Variants in SEMA6D observed in about 807,000 individuals in gnomAD.
SEMA6D encodes the protein semaphorin 6D.
A neutral mutation model predicts 106.6 loss-of-function variants in SEMA6D; 35 were observed. The ratio of observed to expected loss-of-function variants is 0.33; its 90% CI spans 0.25 to 0.44. The LOEUF is 0.44. Among genes scored for constraint, SEMA6D ranks in the 20% least tolerant of loss-of-function variants. The pLI is 1.00. For missense variants in SEMA6D, 1,185 were observed against 1,345.9 expected (o/e 0.88, Z 1.87); for synonymous variants, 499 against 487.7 (o/e 1.02, Z -0.31).
chr15:47,277,609 A>ATTATTATTATTTAT (rs374326382), intron 1 of SEMA6D, among the ~76,000 whole-genome samples: 63 of 128,602 alleles, frequency 4.9e-4, no homozygotes, highest in East Asian at 2.4e-3. Context: ...TATTATTATT[A>ATTATTATTATTTAT]TTATTTATTA....
chr15:47,624,146 C>T (rs2413879), intron 4 of SEMA6D, among the ~76,000 whole-genome samples: 45,774 of 152,076 alleles, frequency 0.3, 7,562 homozygotes, highest in East Asian at 0.45. Context: ...TTGTCTAGAA[C>T]GTTCTTCATG....
chr15:47,590,659 T>TAAG (rs149703649), intron 3 of SEMA6D, among the ~76,000 whole-genome samples: 26,272 of 151,954 alleles, frequency 0.17, 2,624 homozygotes, highest in African/African-American at 0.25. Flanking sequence ...GGCATCCTTG[T>TAAG]AAGAGGAAGG....
intron 1 of SEMA6D, among the ~76,000 whole-genome samples, chr15:47,733,589 A>G (rs1012242066): frequency 1.9e-4 from 29 of 152,040 alleles, no homozygotes; most frequent in African/African-American, 6.5e-4. Context: ...TTCCTTCCCA[A>G]CTGTGCATCC....
At chr15:47,383,266 T>G (rs961648439) in intron 1 of SEMA6D, among the ~76,000 whole-genome samples, 1 of 152,234 alleles carries the variant, frequency 6.6e-6, no homozygotes, top group African/African-American at 2.4e-5. Flanking sequence ...TCAGCTCGTC[T>G]GGGAAGAGTT....
intron 1 of SEMA6D, among the ~76,000 whole-genome samples, chr15:47,247,720 T>G (rs1338278005): frequency 6.6e-6 from 1 of 152,232 alleles, no homozygotes; most frequent in African/African-American, 2.4e-5. Flanking sequence ...ACTTCTAGTC[T>G]TTGTGCATGT....
At chr15:47,393,930 C>T (rs566855416) in intron 1 of SEMA6D, among the ~76,000 whole-genome samples, 10 of 152,268 alleles carry the variant, frequency 6.6e-5, no homozygotes, top group African/African-American at 2.4e-4. Context: ...ATAATTAATG[C>T]TATCTTTTCA....
At chr15:47,689,638 C>A (rs1017823266) in intron 4 of SEMA6D, among the ~76,000 whole-genome samples, 4 of 152,234 alleles carry the variant, frequency 2.6e-5, no homozygotes, top group African/African-American at 9.6e-5. Context: ...GAGCCCCAGA[C>A]AACCTAAAGG....
intron 1 of SEMA6D, among the ~76,000 whole-genome samples, chr15:47,291,084 A>G (rs1483299666): frequency 6.6e-6 from 1 of 152,206 alleles, no homozygotes; most frequent in African/African-American, 2.4e-5. Flanking sequence ...AGAAATATCC[A>G]CAGCATAATA....
rs181045163 is a variant in SEMA6D, at chr15:47,502,664, A to G, written c.-87+32119A>G. Among the ~76,000 whole-genome samples, 542 of 152,352 alleles carry G rather than the reference A, an allele frequency of 3.6e-3. 2 individuals are homozygous for G. The highest frequency in any genetic ancestry group is 4.7e-3 in the Non-Finnish European group (322 of 68,026). ...AGATGGCTCCCTTCTATTCCAATGA[A>G]TGGAATGTCTTTTGTAGCAAATTTT... On this transcript the variant is annotated intron_variant, in intron 3 of 19. Coordinates refer to the SEMA6D transcript ENST00000558014.
At chr15:47,252,521 T>C (rs900091166) in intron 1 of SEMA6D, among the ~76,000 whole-genome samples, 5 of 152,162 alleles carry the variant, frequency 3.3e-5, no homozygotes, top group Non-Finnish European at 7.4e-5. Flanking sequence ...TGTTACTTTG[T>C]ACCCATTAAC....
chr15:47,607,320 C>A (rs143994551), intron 4 of SEMA6D, among the ~76,000 whole-genome samples: 2 of 152,158 alleles, frequency 1.3e-5, no homozygotes, highest in East Asian at 3.9e-4. Flanking sequence ...ATATAACTAA[C>A]AAGCAGCCTT....
intron 3 of SEMA6D, among the ~76,000 whole-genome samples, chr15:47,518,244 GAGAC>G (rs1228293844): frequency 1.3e-5 from 2 of 152,182 alleles, no homozygotes; most frequent in East Asian, 3.8e-4. Context: ...AAGGGAGTGA[GAGAC>G]AGAGCAGAGA....
At chr15:47,543,524 C>G (rs763750884) in intron 3 of SEMA6D, among the ~76,000 whole-genome samples, 10 of 152,160 alleles carry the variant, frequency 6.6e-5, no homozygotes, top group Non-Finnish European at 1.3e-4. Flanking sequence ...TATGAAACCT[C>G]TTTCCTTTAT....
chr15:47,547,345 A>G (rs1410560963), intron 3 of SEMA6D, among the ~76,000 whole-genome samples: 1 of 152,176 alleles, frequency 6.6e-6, no homozygotes, highest in Non-Finnish European at 1.5e-5. Flanking sequence ...AATTGTTGTG[A>G]GGCTTAATTA....
intron 1 of SEMA6D, among the ~76,000 whole-genome samples, chr15:47,254,010 T>C (rs1473532011): frequency 2.0e-5 from 3 of 152,118 alleles, no homozygotes; most frequent in Non-Finnish European, 4.4e-5. Flanking sequence ...TATCTCCTTA[T>C]GTCCTCTTCA....
chr15:47,724,376 T>C (rs969154409), intron 1 of SEMA6D, among the ~76,000 whole-genome samples: 2 of 152,198 alleles, frequency 1.3e-5, no homozygotes, highest in Non-Finnish European at 2.9e-5. Context: ...TACTGCGTGC[T>C]GTAGGAAAAA....
At chr15:47,667,270 T>C (rs191328636) in intron 4 of SEMA6D, among the ~76,000 whole-genome samples, 13 of 152,342 alleles carry the variant, frequency 8.5e-5, no homozygotes, top group Non-Finnish European at 1.6e-4. Context: ...TCAACAAGTT[T>C]TGATTTTCTG....
intron 1 of SEMA6D, among the ~76,000 whole-genome samples, chr15:47,199,309 T>G (rs1464262785): frequency 6.6e-6 from 1 of 152,178 alleles, no homozygotes; most frequent in Non-Finnish European, 1.5e-5. Context: ...CCTGGAGAAC[T>G]GCAATTCCTG....
intron 2 of SEMA6D, among the ~76,000 whole-genome samples, chr15:47,425,046 G>A (rs1178854392): frequency 6.6e-6 from 1 of 151,978 alleles, no homozygotes; most frequent in Non-Finnish European, 1.5e-5. Context: ...AAAGGTGAGG[G>A]GTGAAACTGC....
Sources: allele counts gnomAD v4.1 joint callset (sites outside exome capture counted in the v4.1 genomes callset), GRCh38; gene constraint gnomAD v4.1.1; transcripts MANE v1.5; gene names NCBI Gene and HGNC (gene_info 2026-07-23, HGNC 2026-07-21).